ELP3: variants seen among roughly 807,000 people sequenced by gnomAD.
ELP3 encodes the protein elongator complex protein 3.
Under a neutral mutation model 74.9 loss-of-function variants are expected in ELP3, and 56 were observed. The ratio of observed to expected loss-of-function variants is 0.75; its 90% CI spans 0.60 to 0.93. The LOEUF is 0.93. Ranked by LOEUF, ELP3 falls within the 40% of genes least tolerant of loss-of-function variation. The pLI is 0.00. For synonymous variants in ELP3, 222 were observed against 239.8 expected, an observed-to-expected ratio of 0.93 and a Z score of 0.68; for missense variants, 573 against 686.5, an observed-to-expected ratio of 0.83 and a Z score of 1.85.
chr8:28,119,774 C>G (rs1416987833), intron 7 of ELP3, among the ~76,000 whole-genome samples: 2 of 151,766 alleles, frequency 1.3e-5, no homozygotes, highest in Non-Finnish European at 1.5e-5. Flanking sequence ...CCTGCGCCTC[C>G]CAGAGGCAGC....
chr8:28,143,280 A>AT (rs1400861047), intron 10 of ELP3, among the ~76,000 whole-genome samples: 3 of 152,040 alleles, frequency 2.0e-5, no homozygotes, highest in African/African-American at 7.2e-5. Context: ...TGATCATGTG[A>AT]TTTTATACTC....
At chr8:28,146,202 AAGGGTGC>A (rs2130508273) in intron 10 of ELP3, among the ~76,000 whole-genome samples, 1 of 152,276 alleles carries the variant, frequency 6.6e-6, no homozygotes, top group African/African-American at 2.4e-5. Context: ...TCCAGCCCTG[AAGGGTGC>A]AGTCAATGAT....
intron 7 of ELP3, among the ~76,000 whole-genome samples, chr8:28,122,394 T>C (rs1249236090): frequency 2.6e-5 from 4 of 152,240 alleles, no homozygotes; most frequent in African/African-American, 9.6e-5. Context: ...CCATAAACGT[T>C]TGCTAGAACT....
chr8:28,094,755 AAAAG>A (rs1675754928), intron 1 of ELP3, among the ~76,000 whole-genome samples: 1 of 152,192 alleles, frequency 6.6e-6, no homozygotes, highest in African/African-American at 2.4e-5. Context: ...AAGAAAAAGA[AAAAG>A]AAAAAAAATT....
intron 1 of ELP3, among the ~76,000 whole-genome samples, chr8:28,093,918 G>A (rs1480724449): frequency 6.6e-6 from 1 of 152,140 alleles, no homozygotes; most frequent in Non-Finnish European, 1.5e-5. Context: ...TGAAGAAGCT[G>A]AGATTCAAAG....
At chr8:28,096,177 G>C (rs1026280573) in intron 1 of ELP3, among the ~76,000 whole-genome samples, 2 of 152,186 alleles carry the variant, frequency 1.3e-5, no homozygotes, top group African/African-American at 4.8e-5. Context: ...ATCACCCCCA[G>C]ATGGGAGTGT....
intron 5 of ELP3, among the ~76,000 whole-genome samples, 165 bp downstream of exon 5, chr8:28,108,141 C>T (rs573660580): frequency 6.6e-6 from 1 of 152,260 alleles, no homozygotes; most frequent in East Asian, 1.9e-4. Flanking sequence ...CTACTAGTGC[C>T]CTATATTATT....
intron 9 of ELP3, among the ~76,000 whole-genome samples, chr8:28,135,691 C>T (rs926625438): frequency 2.6e-5 from 4 of 152,288 alleles, no homozygotes; most frequent in African/African-American, 9.6e-5. Context: ...TGATCCAGTA[C>T]CCCTGTTTTT....
In ELP3 at chr8:28,156,021, C is replaced by T; in HGVS notation, c.1180C>T (p.Leu394Phe). The T allele has an allele frequency of 6.2e-7, 1 of 1,613,462 alleles. No individual in the cohort carries two copies. Among genetic ancestry groups the T allele is most frequent in the East Asian group, 2.2e-5 (1 of 44,856 alleles). Residue 394 changes from leucine to phenylalanine, a missense_variant, in exon 11 of 15, where the codon CTC becomes TTC. Leu to Phe is a conservative substitution (Grantham distance 22, BLOSUM62 0). Transcript: ENST00000256398. The stretch of plus-strand genomic sequence containing the variant: ...GCTGGCACTTGCAAGAATGAAAGAC[C>T]TCGGAATACAGGTAAGAGCAAATAT... ...RELALARMKD[L>F]GIQCRDVRTR...
intron 9 of ELP3, among the ~76,000 whole-genome samples, chr8:28,135,933 T>C (rs190678240): frequency 9.2e-5 from 14 of 152,158 alleles, no homozygotes; most frequent in Non-Finnish European, 1.6e-4. Flanking sequence ...TCTGGGTTTA[T>C]ACTTTTTAAA....
chr8:28,095,015 C>A (rs1811198953), intron 1 of ELP3, among the ~76,000 whole-genome samples: 1 of 152,228 alleles, frequency 6.6e-6, no homozygotes, highest in Non-Finnish European at 1.5e-5. Context: ...CTGTTGCATT[C>A]CATTTCAATG....
Position 28,099,889 on chromosome 8 carries a change from A to G in ELP3, c.181A>G (p.Ile61Val), listed in dbSNP as rs1811404960. Reference sequence around the variant, plus strand: ...TGCCCAGCCCCGCCTGGTGGATATCATTGCTGCCGTCCCTCCTCAGTATCG... The same window carrying G: ...TGCCCAGCCCCGCCTGGTGGATATCGTTGCTGCCGTCCCTCCTCAGTATCG... ...LSAQPRLVDI[I>V]AAVPPQYRKV... Residue 61 changes from isoleucine to valine, a missense_variant, in exon 3 of 15, where the codon ATT becomes GTT. Physicochemically the swap from Ile to Val is conservative, Grantham distance 29 (BLOSUM62 3). Transcript: ENST00000256398. The G allele has an allele frequency of 6.2e-7, 1 of 1,614,074 alleles. No individual in the cohort carries two copies. Among genetic ancestry groups the G allele is most frequent in the African/African-American group, 1.3e-5 (1 of 74,924 alleles).
intron 12 of ELP3, 142 bp from the exon 13 acceptor site, chr8:28,160,087 G>A (rs1392470586): frequency 2.7e-6 from 2 of 735,860 alleles, no homozygotes; most frequent in Non-Finnish European, 4.4e-6. Flanking sequence ...TTTGAGAGTA[G>A]ACAAGTAAAA....
chr8:28,098,878 C>T (rs374487543), intron 2 of ELP3, among the ~76,000 whole-genome samples: 1 of 152,192 alleles, frequency 6.6e-6, no homozygotes, highest in East Asian at 1.9e-4. Context: ...TGAATATCTC[C>T]CCAGCACACA....
chr8:28,191,044 T>G lies in ELP3; in HGVS notation c.*1319T>G, dbSNP rs1815442626. The G allele has an allele frequency of 6.6e-6, 1 of 152,242 alleles. No individual in the cohort carries two copies. The highest frequency in any genetic ancestry group is 2.1e-4 in the South Asian group (1 of 4,832). The allele number at this position is 152,242 out of a possible 1,614,324, so 9.4% of individuals were successfully genotyped here. A position where few individuals can be genotyped will look rare whatever the true frequency, so the allele number is the denominator to read the frequency against. On this transcript the variant is annotated 3_prime_UTR_variant, in exon 15 of 15. Transcript: ENST00000256398. ...GAGACTCTGCCTGGAGAGGGTCAGT[T>G]CCTAAGTTAAAAGCATCGCTTAACC...
At chr8:28,180,504 A>G (rs1396827038) in intron 14 of ELP3, among the ~76,000 whole-genome samples, 1 of 152,210 alleles carries the variant, frequency 6.6e-6, no homozygotes, top group Non-Finnish European at 1.5e-5. Context: ...TCAGACATTG[A>G]ACATAGTAAG....
At chr8:28,152,447 C>T (rs187729107) in intron 10 of ELP3, among the ~76,000 whole-genome samples, 1 of 152,288 alleles carries the variant, frequency 6.6e-6, no homozygotes, top group East Asian at 1.9e-4. Flanking sequence ...ATTTGCAGCA[C>T]AGACGTCTTT....
rs770408011 is a variant in ELP3 at position 28,160,262 on chromosome 8, G to T, written c.1291G>T (p.Gly431Cys). Residue 431 changes from glycine to cysteine, a missense_variant, in exon 13 of 15, where the codon GGT becomes TGT. Transcript: ENST00000256398. ...GGTAAGGAGAGATTATGTTGCAAAT[G>T]GTGGCTGGGAAACATTCTTGTCATA... ...ELVRRDYVAN[G>C]GWETFLSYED... The T allele has an allele frequency of 6.2e-7, 1 of 1,614,120 alleles. No individual in the cohort carries two copies. Among genetic ancestry groups the T allele is most frequent in the South Asian group, 1.1e-5 (1 of 91,082 alleles).
chr8:28,121,612 G>A (rs980259189), intron 7 of ELP3, among the ~76,000 whole-genome samples: 7 of 151,962 alleles, frequency 4.6e-5, no homozygotes, highest in Non-Finnish European at 5.9e-5. Flanking sequence ...GAGCCACCAC[G>A]CCCGGCCATA....
Sources: allele counts gnomAD v4.1 joint callset (sites outside exome capture counted in the v4.1 genomes callset), GRCh38; gene constraint gnomAD v4.1.1; transcripts MANE v1.5; gene names NCBI Gene and HGNC (gene_info 2026-07-23, HGNC 2026-07-21).